Variants in OPA1 observed in about 807,000 individuals in gnomAD.
OPA1 encodes OPA1 mitochondrial dynamin like GTPase, also known as dynamin-like GTPase OPA1, mitochondrial.
A neutral mutation model predicts 152.9 loss-of-function variants in OPA1; 59 were observed. The observed-to-expected ratio is 0.39, with a 90% CI of 0.31 to 0.48. The LOEUF is 0.48. Ranked by LOEUF, OPA1 falls within the 20% of genes least tolerant of loss-of-function variation. The pLI, the probability that OPA1 is intolerant of heterozygous loss-of-function variation, is 0.96. For synonymous variants in OPA1, 400 were observed against 389.9 expected (o/e 1.03, Z -0.31); for missense variants, 1,008 against 1,216.8 (o/e 0.83, Z 2.55).
At chr3:193,615,094 C>A in intron 2 of OPA1, 53 bp downstream of exon 2, 1 of 1,360,034 alleles carries the variant, frequency 7.4e-7, no homozygotes, top group Non-Finnish European at 1.1e-6. Context: ...GATTAAGTTT[C>A]TATAGCATAA....
chr3:193,615,050 G>C lies in OPA1; in HGVS notation c.351+9G>C, dbSNP rs1486959282. The C allele has an allele frequency of 1.1e-5, 18 of 1,602,500 alleles. No individual in the cohort carries two copies. Among genetic ancestry groups the C allele is most frequent in the Non-Finnish European group, 1.5e-5 (17 of 1,169,486 alleles). ...GCTACACAGCCAAAAAGGTGAACTT[G>C]ACATTCCTCCTGGTTTTCCAATTAT... On this transcript the variant is annotated intron_variant, in intron 2 of 30. Coordinates refer to ENST00000361510, the MANE Select transcript of OPA1 (RefSeq NM_130837.3).
intron 25 of OPA1, among the ~76,000 whole-genome samples, chr3:193,660,055 G>A (rs908531534): frequency 1.3e-5 from 2 of 152,136 alleles, no homozygotes; most frequent in Non-Finnish European, 2.9e-5. Flanking sequence ...GGCTGAGGTG[G>A]GAAGGATTGC....
chr3:193,671,265 CAAG>C (rs1331148965), intron 29 of OPA1, among the ~76,000 whole-genome samples: 2 of 152,134 alleles, frequency 1.3e-5, no homozygotes, highest in Middle Eastern at 3.2e-3. Context: ...AAACCATATG[CAAG>C]AAGACTCTAA....
rs752684627 is a variant in OPA1 at position 193,657,055 on chromosome 3, CT to C, written c.2179-18del. On this transcript the variant is annotated intron_variant, in intron 22 of 30. Coordinates refer to ENST00000361510, the MANE Select transcript of OPA1 (RefSeq NM_130837.3). ...ATTGAAGTATGTAGTAATAATATGG[CT>C]TTTTTTCTTTCAAATAATTATAGGT... is the stretch of plus-strand genomic sequence containing the variant. 2 of 1,595,486 alleles carry C rather than the reference CT, an allele frequency of 1.3e-6. No individual in the cohort carries two copies. The highest frequency in any genetic ancestry group is 1.7e-4 in the Middle Eastern group (1 of 5,936).
At position 193,648,815 on chromosome 3, in the gene OPA1, T is replaced by A. The variant is rs377384384; in HGVS notation, c.1956T>A (p.Ala652=). ...CCTAGAATGAACTATTTGAAAAAGC[T>A]AAAAATGAAATCCTTGATGAAGTTA... ...ELDRNELFEK[A]KNEILDEVIS... is the part of the protein sequence containing the mutation. Residue 652 remains alanine (A), a synonymous_variant, in exon 21 of 31, where the codon GCT becomes GCA. Transcript: ENST00000361510. 1 of 1,607,268 alleles carries A rather than the reference T, an allele frequency of 6.2e-7. No homozygotes were observed. Among genetic ancestry groups the A allele is most frequent in the Non-Finnish European group, 8.5e-7 (1 of 1,174,182 alleles).
chr3:193,612,716 G>C (rs1728443375), intron 1 of OPA1, among the ~76,000 whole-genome samples: 1 of 152,194 alleles, frequency 6.6e-6, no homozygotes, highest in African/African-American at 2.4e-5. Flanking sequence ...ATTAGCTGGA[G>C]TCCCTGAAGA....
chr3:193,617,808 T>C lies in OPA1; in HGVS notation c.581T>C (p.Ile194Thr), dbSNP rs1294430125. The part of the protein sequence containing the change: ...TSGHKLVSEV[I>T]GASDLLLLLG... ...GGTCACAAATTGGTTAGTGAAGTCA[T>C]AGGAGCTTCTGACCTACTTCTCTTG... is the stretch of plus-strand genomic sequence containing the variant. The change falls in exon 5 of 31, where the codon ATA becomes ACA. Residue 194 changes from isoleucine (I) to threonine (T), a missense_variant. This residue lies in a region of OPA1 where 408 missense variants were observed against 395.1 expected (regional missense o/e 1.03). Transcript: ENST00000361510. 3.1e-6 allele frequency: 5 copies of C among 1,613,050 alleles called. No individual in the cohort carries two copies. In the Admixed American group the frequency reaches 5.0e-5, roughly 16 times the overall value.
intron 1 of OPA1, among the ~76,000 whole-genome samples, chr3:193,594,618 C>T (rs1725215818): frequency 6.6e-6 from 1 of 152,154 alleles, no homozygotes; most frequent in African/African-American, 2.4e-5. Flanking sequence ...GAACTCCTGA[C>T]CTCATGTGAT....
chr3:193,626,214 T>C lies in OPA1; in HGVS notation c.789+12T>C. On this transcript the variant is annotated intron_variant, in intron 7 of 30. Transcript: ENST00000361510. ...AACAGAAGCGCAAGGTGATGGATGG[T>C]TTAAGGGGGCTACCGATACATTCAC... 1 of 1,591,962 alleles carries C rather than the reference T, an allele frequency of 6.3e-7. No individual in the cohort carries two copies. The highest frequency in any genetic ancestry group is 2.2e-5 in the East Asian group (1 of 44,760).
intron 15 of OPA1, 47 bp downstream of exon 15, chr3:193,643,674 T>A (rs767642028): frequency 6.7e-7 from 1 of 1,488,570 alleles, no homozygotes; most frequent in Admixed American, 1.7e-5. Flanking sequence ...TTTTCTTCTT[T>A]AGCAATCCAA....
chr3:193,626,063 C>A, intron 6 of OPA1, 29 bp from the exon 7 acceptor site: 1 of 1,545,000 alleles, frequency 6.5e-7, no homozygotes, highest in South Asian at 1.1e-5. Context: ...CCCCAATTTC[C>A]TCTTCTCCTC....
chr3:193,634,387 T>G (rs2049328475), intron 8 of OPA1, among the ~76,000 whole-genome samples: 1 of 152,104 alleles, frequency 6.6e-6, no homozygotes, highest in Non-Finnish European at 1.5e-5. Context: ...AAGTAGTTGC[T>G]TGGCTACACA....
chr3:193,597,932 A>G (rs983307874), intron 1 of OPA1, among the ~76,000 whole-genome samples: 1 of 152,010 alleles, frequency 6.6e-6, no homozygotes, highest in African/African-American at 2.4e-5. Flanking sequence ...AAAAAAAATT[A>G]ACTGGGCATG....
chr3:193,656,352 T>C (rs1713815322), intron 22 of OPA1, among the ~76,000 whole-genome samples: 2 of 152,208 alleles, frequency 1.3e-5, no homozygotes, highest in African/African-American at 2.4e-5. Flanking sequence ...ACAGTCACTT[T>C]CTTTTTTAAA....
chr3:193,636,164 A>G (rs1732894776), intron 9 of OPA1, among the ~76,000 whole-genome samples: 1 of 152,084 alleles, frequency 6.6e-6, no homozygotes, highest in Non-Finnish European at 1.5e-5. Flanking sequence ...AAATCATGGC[A>G]TGTACATTCT....
At chr3:193,615,574 A>G (rs1728890635) in intron 2 of OPA1, 100 bp from the exon 3 acceptor site, 1 of 792,544 alleles carries the variant, frequency 1.3e-6, no homozygotes, top group Non-Finnish European at 2.3e-6. Flanking sequence ...AACATAATAC[A>G]TTATTCTTAG....
At chr3:193,617,148 T>G (rs1729153747) in intron 3 of OPA1, 30 bp from the exon 4 acceptor site, 2 of 1,320,494 alleles carry the variant, frequency 1.5e-6, no homozygotes, top group Non-Finnish European at 2.2e-6. Flanking sequence ...TTTCTTAGTT[T>G]CATACTCTAT....
chr3:193,683,125 G>A (rs1476932567), intron 29 of OPA1, among the ~76,000 whole-genome samples: 1 of 152,188 alleles, frequency 6.6e-6, no homozygotes, highest in African/African-American at 2.4e-5. Context: ...GGATGACTTT[G>A]AAGAGTTTGG....
At chr3:193,621,518 T>A (rs1730075711) in intron 6 of OPA1, among the ~76,000 whole-genome samples, 1 of 152,176 alleles carries the variant, frequency 6.6e-6, no homozygotes, top group South Asian at 2.1e-4. Context: ...ATTAATCAAG[T>A]TTCTTTGGTT....
Sources: allele counts gnomAD v4.1 joint callset (sites outside exome capture counted in the v4.1 genomes callset), GRCh38; gene constraint gnomAD v4.1.1; regional missense constraint gnomAD v4.1.1; transcripts MANE v1.5; gene names NCBI Gene and HGNC (gene_info 2026-07-23, HGNC 2026-07-21).